Variants in EDN1 observed in about 807,000 individuals in gnomAD.
The protein encoded by EDN1 is endothelin-1.
In EDN1, 11 loss-of-function variants were observed where a neutral mutation model predicts 21.7. That is an observed-to-expected ratio of 0.51 (90% CI 0.32 to 0.84). EDN1 has a LOEUF of 0.84. Ranked by LOEUF, EDN1 falls within the 40% of genes least tolerant of loss-of-function variation. The pLI is 0.03. For synonymous variants in EDN1, 85 were observed against 90.6 expected, an observed-to-expected ratio of 0.94 and a Z score of 0.35; for missense variants, 244 against 262.3, an observed-to-expected ratio of 0.93 and a Z score of 0.48.
upstream of EDN1, among the ~76,000 whole-genome samples, chr6:12,289,230 G>T (rs1038838776): frequency 6.6e-6 from 1 of 152,092 alleles, no homozygotes; most frequent in African/African-American, 2.4e-5. Context: ...TGTTCGAATG[G>T]CATTTCCTTC....
the EDN1 span, among the ~76,000 whole-genome samples, chr6:12,238,797 C>T: frequency 6.6e-6 from 1 of 152,290 alleles, no homozygotes; most frequent in Non-Finnish European, 1.5e-5. Flanking sequence ...CCAAGCATTT[C>T]CTTTAGCTCC....
chr6:12,275,307 C>T, the EDN1 span, among the ~76,000 whole-genome samples: 1 of 152,118 alleles, frequency 6.6e-6, no homozygotes, highest in Non-Finnish European at 1.5e-5. Flanking sequence ...ATTTTTGGCT[C>T]TGAAGCTACT....
chr6:12,261,520 G>T, the EDN1 span, among the ~76,000 whole-genome samples: 7 of 152,192 alleles, frequency 4.6e-5, no homozygotes, highest in Non-Finnish European at 8.8e-5. Context: ...GGCAGCTGTG[G>T]ATGAATGGGC....
the EDN1 span, among the ~76,000 whole-genome samples, chr6:12,231,307 T>C: frequency 6.6e-6 from 1 of 152,154 alleles, no homozygotes; most frequent in Non-Finnish European, 1.5e-5. Context: ...CCACCAACAC[T>C]GCAATTCAAC....
upstream of EDN1, among the ~76,000 whole-genome samples, chr6:12,289,228 T>A (rs1762616547): frequency 6.6e-6 from 1 of 152,210 alleles, no homozygotes. Context: ...CTTGTTCGAA[T>A]GGCATTTCCT....
chr6:12,257,003 A>G, the EDN1 span, among the ~76,000 whole-genome samples: 5 of 151,694 alleles, frequency 3.3e-5, no homozygotes, highest in South Asian at 6.3e-4. Context: ...ATGTACAACA[A>G]TCTCAATGAC....
chr6:12,261,267 T>C, the EDN1 span, among the ~76,000 whole-genome samples: 1 of 152,124 alleles, frequency 6.6e-6, no homozygotes, highest in Non-Finnish European at 1.5e-5. Flanking sequence ...AACTGAAGTA[T>C]AATAAGAGAA....
the EDN1 span, among the ~76,000 whole-genome samples, chr6:12,261,666 A>G: frequency 6.6e-6 from 1 of 152,238 alleles, no homozygotes; most frequent in Non-Finnish European, 1.5e-5. Context: ...GTGGGAGATG[A>G]GTAGATGCAC....
intron 4 of EDN1, among the ~76,000 whole-genome samples, chr6:12,295,131 C>A (rs1762792003): frequency 1.3e-5 from 2 of 151,930 alleles, no homozygotes; most frequent in African/African-American, 2.4e-5. Context: ...AAGGAGGAAA[C>A]CTACTCTCTG....
chr6:12,243,989 A>G, the EDN1 span, among the ~76,000 whole-genome samples: 2 of 152,194 alleles, frequency 1.3e-5, no homozygotes, highest in African/African-American at 2.4e-5. Context: ...ACTGCAGACT[A>G]TAAGTTAAGA....
At chr6:12,272,452 C>CTTTTTTTTTTTTTTT in the EDN1 span, among the ~76,000 whole-genome samples, 2 of 106,812 alleles carry the variant, frequency 1.9e-5, no homozygotes, top group African/African-American at 7.4e-5. Flanking sequence ...GAGTCATACT[C>CTTTTTTTTTTTTTTT]TTTTTTTTTT....
the EDN1 span, among the ~76,000 whole-genome samples, chr6:12,244,082 C>T: frequency 6.6e-6 from 1 of 151,964 alleles, no homozygotes; most frequent in Admixed American, 6.6e-5. Flanking sequence ...AGGAAGCTTT[C>T]ATTTGTGTGG....
At chr6:12,295,673 G>A (rs754971615) in intron 4 of EDN1, among the ~76,000 whole-genome samples, 2 of 152,164 alleles carry the variant, frequency 1.3e-5, no homozygotes, top group African/African-American at 4.8e-5. Context: ...ATGGGGCTAC[G>A]GAAGAAACCA....
the EDN1 span, among the ~76,000 whole-genome samples, chr6:12,284,650 A>G: frequency 1.3e-5 from 2 of 149,716 alleles, no homozygotes; most frequent in Admixed American, 1.3e-4. Flanking sequence ...AAGAAAAAGA[A>G]AGGGAGAAAG....
chr6:12,288,741 C>T (rs1377951248), upstream of EDN1, among the ~76,000 whole-genome samples: 1 of 152,156 alleles, frequency 6.6e-6, no homozygotes, highest in African/African-American at 2.4e-5. Flanking sequence ...CTGTCCAAAC[C>T]CACGGCTTTG....
the EDN1 span, among the ~76,000 whole-genome samples, chr6:12,256,171 G>A: frequency 1.3e-5 from 2 of 152,086 alleles, no homozygotes; most frequent in Non-Finnish European, 2.9e-5. Context: ...CAAAGCGAGA[G>A]TCCCATCTCT....
chr6:12,282,160 C>A, the EDN1 span, among the ~76,000 whole-genome samples: 5 of 152,112 alleles, frequency 3.3e-5, no homozygotes, highest in Non-Finnish European at 5.9e-5. Flanking sequence ...CAAGTCATAA[C>A]AAAGTGGTAG....
chr6:12,235,711 G>A, the EDN1 span, among the ~76,000 whole-genome samples: 3 of 152,176 alleles, frequency 2.0e-5, no homozygotes, highest in South Asian at 2.1e-4. Context: ...AGAACTTTCC[G>A]CAATGTAGAA....
the EDN1 span, among the ~76,000 whole-genome samples, chr6:12,245,960 C>T: frequency 5.9e-5 from 9 of 152,256 alleles, no homozygotes; most frequent in African/African-American, 9.6e-5. Flanking sequence ...CTCTGTGTGT[C>T]GTCAGTGAGT....
Sources: gnomAD v4.1 joint callset for allele counts (sites outside exome capture counted in the v4.1 genomes callset) on GRCh38, gnomAD v4.1.1 for gene constraint, MANE v1.5 for transcripts, NCBI Gene and HGNC (gene_info 2026-07-23, HGNC 2026-07-21) for gene names.